The following SEMA5B variants were observed in gnomAD, a reference collection of about 807,000 sequenced individuals.
SEMA5B encodes semaphorin-5B.
SEMA5B carries 66 observed loss-of-function variants against 135.0 expected under a neutral mutation model. The ratio of observed to expected loss-of-function variants is 0.49; its 90% CI spans 0.40 to 0.60. SEMA5B has a LOEUF of 0.60. Ranked by LOEUF, SEMA5B falls within the 20% of genes least tolerant of loss-of-function variation. The pLI is 0.00. For missense variants in SEMA5B, 1,501 were observed against 1,566.3 expected (o/e 0.96, Z 0.70); for synonymous variants, 690 against 639.5 (o/e 1.08, Z -1.19).
At chr3:123,026,252 C>T (rs956985392) in intron 1 of SEMA5B, among the ~76,000 whole-genome samples, 1 of 152,218 alleles carries the variant, frequency 6.6e-6, no homozygotes, top group African/African-American at 2.4e-5. Flanking sequence ...TTCCGTTGGC[C>T]GGGAAGGAGT....
intron 21 of SEMA5B, 31 bp downstream of exon 21, chr3:122,911,460 C>T (rs371097642): frequency 1.2e-5 from 19 of 1,596,980 alleles, no homozygotes; most frequent in Middle Eastern, 1.7e-4. Context: ...CTGGGAGGAC[C>T]GCAGCATGAG....
chr3:123,026,348 G>A (rs1398912244), intron 1 of SEMA5B, among the ~76,000 whole-genome samples: 1 of 152,084 alleles, frequency 6.6e-6, no homozygotes, highest in Non-Finnish European at 1.5e-5. Context: ...GCAGGGGTGC[G>A]GGCAGAATCC....
chr3:123,002,737 A>G (rs955795907), intron 1 of SEMA5B, among the ~76,000 whole-genome samples: 7 of 152,240 alleles, frequency 4.6e-5, no homozygotes, highest in African/African-American at 1.7e-4. Flanking sequence ...GAAATACTAA[A>G]AGAGGGATTC....
At chr3:122,971,700 G>T (rs1304022586) in intron 1 of SEMA5B, among the ~76,000 whole-genome samples, 1 of 152,260 alleles carries the variant, frequency 6.6e-6, no homozygotes, top group African/African-American at 2.4e-5. Flanking sequence ...ATGGGTGCTG[G>T]TGGGCCTCTG....
intron 1 of SEMA5B, among the ~76,000 whole-genome samples, chr3:122,972,930 C>G (rs955491854): frequency 1.1e-4 from 17 of 152,184 alleles, no homozygotes; most frequent in African/African-American, 4.1e-4. Context: ...CAGAAACACT[C>G]TTATTCCCCA....
intron 1 of SEMA5B, among the ~76,000 whole-genome samples, chr3:122,962,025 C>T (rs114232551): frequency 1.9e-3 from 291 of 152,322 alleles, no homozygotes; most frequent in Middle Eastern, 6.8e-3. Context: ...GCAAGGTTCT[C>T]TACTTTTAAG....
At chr3:122,996,919 C>T (rs752468476) in intron 1 of SEMA5B, among the ~76,000 whole-genome samples, 2 of 152,154 alleles carry the variant, frequency 1.3e-5, no homozygotes, top group Non-Finnish European at 2.9e-5. Context: ...GTGCAAACAG[C>T]CTCGCCAAGG....
intron 1 of SEMA5B, among the ~76,000 whole-genome samples, chr3:122,997,483 C>A (rs180955106): frequency 1.4e-4 from 21 of 152,220 alleles, no homozygotes; most frequent in Non-Finnish European, 2.9e-5. Flanking sequence ...GGCCAGGAGA[C>A]TGAGGCCACG....
At chr3:122,918,406 TTTTTGG>T (rs1378136632) in intron 12 of SEMA5B, among the ~76,000 whole-genome samples, 1 of 152,194 alleles carries the variant, frequency 6.6e-6, no homozygotes, top group Non-Finnish European at 1.5e-5. Flanking sequence ...ATACTTTGGC[TTTTTGG>T]ACTGGAATAG....
At chr3:123,008,669 G>A (rs1162820483) in intron 1 of SEMA5B, among the ~76,000 whole-genome samples, 3 of 152,288 alleles carry the variant, frequency 2.0e-5, no homozygotes, top group South Asian at 2.1e-4. Flanking sequence ...TGGGGGCTAC[G>A]CATTCAAAAT....
chr3:122,928,728 T>C (rs1938781747), intron 6 of SEMA5B, 113 bp from the exon 7 acceptor site: 1 of 847,142 alleles, frequency 1.2e-6, no homozygotes, highest in Non-Finnish European at 1.9e-6. Context: ...ACACTCCCCT[T>C]GACCCCAGAT....
intron 2 of SEMA5B, among the ~76,000 whole-genome samples, chr3:122,957,058 G>A (rs1940354339): frequency 6.6e-6 from 1 of 152,192 alleles, no homozygotes; most frequent in Admixed American, 6.5e-5. Context: ...GAGAGGCAGA[G>A]AGGGAGATGA....
intron 1 of SEMA5B, among the ~76,000 whole-genome samples, chr3:123,022,984 C>T (rs1014343617): frequency 2.0e-5 from 3 of 152,178 alleles, no homozygotes; most frequent in Non-Finnish European, 4.4e-5. Context: ...ATGGCATACA[C>T]GAAGATCCTG....
At chr3:122,938,811 T>A (rs1939421681) in intron 5 of SEMA5B, among the ~76,000 whole-genome samples, 2 of 152,352 alleles carry the variant, frequency 1.3e-5, no homozygotes, top group South Asian at 4.1e-4. Flanking sequence ...GACATCTGTT[T>A]CTCAATCTGG....
chr3:122,987,269 T>A (rs988358507), intron 1 of SEMA5B, among the ~76,000 whole-genome samples: 1 of 152,176 alleles, frequency 6.6e-6, no homozygotes. Flanking sequence ...GATGCAGTCT[T>A]GTCCCCCCCA....
intron 4 of SEMA5B, among the ~76,000 whole-genome samples, chr3:122,941,226 CCACTA>C (rs1008274396): frequency 1.0e-3 from 152 of 152,224 alleles, no homozygotes; most frequent in African/African-American, 3.4e-3. Flanking sequence ...GGCCAAAGAC[CCACTA>C]CATTGGCTCT....
intron 5 of SEMA5B, 91 bp downstream of exon 5, chr3:122,939,334 C>T (rs1939450457): frequency 2.9e-6 from 3 of 1,018,152 alleles, no homozygotes; most frequent in Non-Finnish European, 3.1e-6. Flanking sequence ...ACTTTAGGGG[C>T]TGAATTCTGA....
chr3:122,925,777 A>G (rs576862821), intron 9 of SEMA5B, among the ~76,000 whole-genome samples: 56 of 150,872 alleles, frequency 3.7e-4, no homozygotes, highest in African/African-American at 4.8e-5. Flanking sequence ...CCAGGGCCAC[A>G]TGCAGCCCAA....
chr3:122,978,357 A>G (rs570233682), intron 1 of SEMA5B, among the ~76,000 whole-genome samples: 1 of 152,350 alleles, frequency 6.6e-6, no homozygotes, highest in Non-Finnish European at 1.5e-5. Context: ...GAGCAGCTCA[A>G]TGTTCACAGG....
Sources: allele counts gnomAD v4.1 joint callset (sites outside exome capture counted in the v4.1 genomes callset), GRCh38; gene constraint gnomAD v4.1.1; transcripts MANE v1.5; gene names NCBI Gene and HGNC (gene_info 2026-07-23, HGNC 2026-07-21).